TMEM9: variants seen among roughly 807,000 people sequenced by gnomAD.
TMEM9 encodes the protein transmembrane protein 9.
Under a neutral mutation model 22.8 loss-of-function variants are expected in TMEM9, and 13 were observed. The ratio of observed to expected loss-of-function variants is 0.57; its 90% confidence interval spans 0.37 to 0.91. TMEM9 has a LOEUF of 0.91. Among genes scored for constraint, TMEM9 ranks in the 40% least tolerant of loss-of-function variants. TMEM9 has a pLI of 0.01. For synonymous variants in TMEM9, 88 were observed against 93.0 expected, an observed-to-expected ratio of 0.95 and a Z score of 0.31; for missense variants, 182 against 238.1, an observed-to-expected ratio of 0.76 and a Z score of 1.55.
chr1:201,159,177 C>T (rs545545323), upstream of TMEM9, among the ~76,000 whole-genome samples: 18 of 152,332 alleles, frequency 1.2e-4, no homozygotes, highest in African/African-American at 3.6e-4. Context: ...TGTGTTAACA[C>T]TCTCAAAGGG....
chr1:201,164,785 C>T (rs1666032737), intron 1 of TMEM9, among the ~76,000 whole-genome samples: 1 of 152,036 alleles, frequency 6.6e-6, no homozygotes, highest in African/African-American at 2.4e-5. Context: ...ACCTCAGCCC[C>T]GCATTGTTGT....
At chr1:201,171,135 C>A (rs1666201320) in intron 1 of TMEM9, among the ~76,000 whole-genome samples, 2 of 152,220 alleles carry the variant, frequency 1.3e-5, no homozygotes, top group Admixed American at 6.5e-5. Flanking sequence ...CCGCTCGCTC[C>A]GTCCTTCCCC....
chr1:201,166,802 G>A (rs1189360699), intron 1 of TMEM9, among the ~76,000 whole-genome samples: 1 of 152,182 alleles, frequency 6.6e-6, no homozygotes, highest in Non-Finnish European at 1.5e-5. Context: ...ATAAGCCCCA[G>A]TGTACAGCTG....
Position 201,135,173 on chromosome 1 carries a change from G to GGCTGGGGCTGAGGC in TMEM9, c.*476_*489dup, listed in dbSNP as rs1246836990. On this transcript the variant is annotated 3_prime_UTR_variant, in exon 5 of 5. Transcript: ENST00000367330. ...GAGCTGTCCTCAGGGCTGGAGCTGG[G>GGCTGGGGCTGAGGC]GCTGGGGCTGAGGCGCTGGGGCTGG... 6.5e-6 allele frequency: 1 copy of GGCTGGGGCTGAGGC among 153,372 alleles called. No individual in the cohort carries two copies. The highest frequency in any genetic ancestry group is 2.4e-5 in the African/African-American group (1 of 41,384). 9.5% of individuals were successfully genotyped at this position (153,372 alleles called of 1,614,324 possible).
rs577402089 is a variant in TMEM9 at position 201,135,642 on chromosome 1, G to A, written c.*21C>T. ...CTGGCAGCCATGGTGTTGGGGCCTT[G>A]ACCCAACCACACCAGCCCATCTAGC... On this transcript the variant is annotated 3_prime_UTR_variant, in exon 5 of 5. Coordinates refer to ENST00000367330, the MANE Select transcript of TMEM9 (RefSeq NM_001288565.2). 2 of 1,590,116 alleles carry A rather than the reference G, an allele frequency of 1.3e-6. No homozygotes were observed. Among genetic ancestry groups the A allele is most frequent in the East Asian group, 4.6e-5 (2 of 43,776 alleles).
Position 201,153,157 on chromosome 1 carries a change from G to A in TMEM9, c.66+701C>T, listed in dbSNP as rs920296019. On this transcript the variant is annotated intron_variant, in intron 1 of 4. Coordinates refer to ENST00000367330, the MANE Select transcript of TMEM9 (RefSeq NM_001288565.2). Reference sequence around the variant, plus strand: ...TATTCTGGTGATGCTACTGTGCTTAGTTACCCTGAACACATCATTTATTTT... The same window carrying A: ...TATTCTGGTGATGCTACTGTGCTTAATTACCCTGAACACATCATTTATTTT... Among the ~76,000 whole-genome samples the A allele has an allele frequency of 3.9e-5, 6 of 152,280 alleles. No homozygotes were observed. In the East Asian group the frequency reaches 1.2e-3, roughly 29 times the overall value.
At chr1:201,153,782 C>T (rs1370227485) in intron 1 of TMEM9, 76 bp downstream of exon 1, 4 of 1,600,970 alleles carry the variant, frequency 2.5e-6, no homozygotes, top group East Asian at 2.3e-5. Context: ...CAGCTGGCTA[C>T]CTCTGAGTCA....
intron 2 of TMEM9, among the ~76,000 whole-genome samples, 162 bp downstream of exon 2, chr1:201,151,599 T>A (rs1401245317): frequency 6.6e-6 from 1 of 152,218 alleles, no homozygotes; most frequent in Non-Finnish European, 1.5e-5. Flanking sequence ...CACAGACAGT[T>A]GACAACTATG....
chr1:201,139,992 A>G (rs1407573072), intron 4 of TMEM9, among the ~76,000 whole-genome samples: 1 of 152,150 alleles, frequency 6.6e-6, no homozygotes, highest in East Asian at 1.9e-4. Flanking sequence ...GGCCGACTGG[A>G]TTGCCCTCAT....
chr1:201,155,962 G>T (rs571703920), upstream of TMEM9, among the ~76,000 whole-genome samples: 19 of 152,282 alleles, frequency 1.2e-4, no homozygotes, highest in Admixed American at 1.2e-3. Flanking sequence ...GCAAGCTCAG[G>T]CAGAGACAGA....
chr1:201,158,945 C>A (rs1334119569), upstream of TMEM9, among the ~76,000 whole-genome samples: 3 of 152,176 alleles, frequency 2.0e-5, no homozygotes, highest in African/African-American at 7.2e-5. Flanking sequence ...GGGATGAGTG[C>A]TGTCATCACT....
intron 4 of TMEM9, among the ~76,000 whole-genome samples, chr1:201,137,230 T>C (rs1664077826): frequency 6.6e-6 from 1 of 151,186 alleles, no homozygotes; most frequent in South Asian, 2.1e-4. Context: ...CTGGGTTCTG[T>C]TCCTGGGCTG....
At chr1:201,145,630 A>C (rs1309071369) in intron 3 of TMEM9, 7 of 152,240 alleles carry the variant, frequency 4.6e-5, no homozygotes, top group Admixed American at 4.6e-4. Flanking sequence ...TAGACTCTTC[A>C]AAGGACAAGC....
At chr1:201,144,015 A>T (rs1179904304) in intron 3 of TMEM9, 64 bp from the exon 4 acceptor site, 127 of 1,584,786 alleles carry the variant, frequency 8.0e-5, no homozygotes, top group Non-Finnish European at 8.6e-7. Flanking sequence ...ATCCGTTGCT[A>T]GTCTTGGGCC....
intron 1 of TMEM9, among the ~76,000 whole-genome samples, chr1:201,160,364 C>T (rs970573928): frequency 2.6e-5 from 4 of 151,916 alleles, no homozygotes; most frequent in Admixed American, 6.6e-5. Context: ...CTGAGGCAGG[C>T]GGATCACCTG....
At chr1:201,149,965 G>A (rs560188343) in intron 2 of TMEM9, among the ~76,000 whole-genome samples, 1 of 152,336 alleles carries the variant, frequency 6.6e-6, no homozygotes, top group African/African-American at 2.4e-5. Context: ...GGTTCCTGAT[G>A]TAAGGCTATT....
chr1:201,165,756 G>T (rs1413907417), intron 1 of TMEM9, among the ~76,000 whole-genome samples: 2 of 152,114 alleles, frequency 1.3e-5, no homozygotes, highest in African/African-American at 4.8e-5. Context: ...AATTTTAAAG[G>T]GTGGGACCTT....
intron 4 of TMEM9, among the ~76,000 whole-genome samples, chr1:201,141,124 C>T (rs548611733): frequency 2.0e-5 from 3 of 152,244 alleles, no homozygotes; most frequent in South Asian, 2.1e-4. Flanking sequence ...ACTAACACAA[C>T]GAGAAGGGTA....
chr1:201,141,785 G>A (rs1379965255), intron 4 of TMEM9, among the ~76,000 whole-genome samples: 1 of 152,086 alleles, frequency 6.6e-6, no homozygotes, highest in African/African-American at 2.4e-5. Context: ...CAAATGAGGA[G>A]CACTCCAGGT....
Sources: allele counts gnomAD v4.1 joint callset (sites outside exome capture counted in the v4.1 genomes callset), GRCh38; gene constraint gnomAD v4.1.1; transcripts MANE v1.5; gene names NCBI Gene and HGNC (gene_info 2026-07-23, HGNC 2026-07-21).